REG4: variants seen among roughly 807,000 people sequenced by gnomAD.
REG4 encodes regenerating islet-derived protein 4.
A neutral mutation model predicts 22.3 loss-of-function variants in REG4; 16 were observed. That is an observed-to-expected ratio of 0.72 (90% CI 0.49 to 1.09). The LOEUF is 1.09. Among genes scored for constraint, REG4 ranks in the 50% least tolerant of loss-of-function variants. The probability of loss-of-function intolerance (pLI) is 0.00; values close to 1 mark genes in which losing one functional copy is unlikely to be tolerated. For synonymous variants in REG4, 71 were observed against 69.2 expected (o/e 1.03, Z -0.13); for missense variants, 214 against 193.9 (o/e 1.10, Z -0.61).
At chr1:119,799,916 C>G in intron 3 of REG4, 54 bp from the exon 4 acceptor site, 1 of 1,602,880 alleles carries the variant, frequency 6.2e-7, no homozygotes, top group Non-Finnish European at 8.5e-7. Flanking sequence ...AAGCACAGCC[C>G]TCCCCTCAGA....
intron 2 of REG4, 111 bp downstream of exon 2, chr1:119,808,592 A>G (rs762674816): frequency 1.8e-5 from 13 of 735,562 alleles, no homozygotes; most frequent in Non-Finnish European, 3.0e-5. Flanking sequence ...ATGTTTAAAA[A>G]CCTATTTCCT....
At chr1:119,795,376 G>A (rs1424068034) in intron 5 of REG4, among the ~76,000 whole-genome samples, 1 of 152,158 alleles carries the variant, frequency 6.6e-6, no homozygotes, top group Non-Finnish European at 1.5e-5. Context: ...GCTCTAAGAA[G>A]CTCCTGTTCA....
At chr1:119,802,950 G>T in intron 3 of REG4, 118 bp downstream of exon 3, 1 of 1,567,262 alleles carries the variant, frequency 6.4e-7, no homozygotes, top group East Asian at 2.3e-5. Context: ...ACCAGCCAAA[G>T]GGGCTTCTCT....
intron 3 of REG4, chr1:119,802,395 G>A (rs2101070403): frequency 1.0e-6 from 1 of 988,206 alleles, no homozygotes. Flanking sequence ...TTTGTTTTCT[G>A]TTTTTCATTG....
At chr1:119,810,473 A>T (rs1462517672) in intron 1 of REG4, among the ~76,000 whole-genome samples, 1 of 152,216 alleles carries the variant, frequency 6.6e-6, no homozygotes, top group Non-Finnish European at 1.5e-5. Context: ...GAACACTTTA[A>T]GGCAACATTA....
chr1:119,796,530 G>A (rs1241339730), intron 5 of REG4, among the ~76,000 whole-genome samples: 1 of 152,130 alleles, frequency 6.6e-6, no homozygotes, highest in Non-Finnish European at 1.5e-5. Flanking sequence ...TGTGTGTGTG[G>A]CTGTATATTG....
At position 119,794,582 on chromosome 1, in the gene REG4, G is replaced by A. The variant is rs752907762; in HGVS notation, c.*36C>T. 15 of 1,569,814 alleles carry A rather than the reference G, an allele frequency of 9.6e-6. No homozygotes were observed. The South Asian group carries it at 1.7e-4, about 17-fold the overall frequency. ...AGGCTAGCAGAAAGGAAGAGGACGG[G>A]GCTGTGCAGGAGTTAGCAGAATCTT... On this transcript the variant is annotated 3_prime_UTR_variant, in exon 6 of 6. Coordinates refer to ENST00000256585, the MANE Select transcript of REG4 (RefSeq NM_032044.4).
At chr1:119,802,862 G>T (rs1654158695) in intron 3 of REG4, 1 of 1,546,254 alleles carries the variant, frequency 6.5e-7, no homozygotes, top group Non-Finnish European at 8.8e-7. Flanking sequence ...CCCATCTAGG[G>T]TCTGGCATAC....
Position 119,799,755 on chromosome 1 carries a change from C to A in REG4, c.273G>T (p.Pro91=), listed in dbSNP as rs587773650. 8.7e-6 allele frequency: 14 copies of A among 1,614,100 alleles called. No homozygotes were observed. The highest frequency in any genetic ancestry group is 1.2e-5 in the Non-Finnish European group (14 of 1,180,034). ...EYISGYQRSQ[P]IWIGLHDPQK... ...GTGGGTCGTGCAGGCCAATCCATAT[C>A]GGCTGGCTTCTCTGATAGCCACTTA... The change falls in exon 4 of 6, where the codon CCG becomes CCT. Residue 91 remains proline, a synonymous_variant. Coordinates refer to ENST00000256585, the MANE Select transcript of REG4 (RefSeq NM_032044.4).
rs1389948939 is a variant in REG4, at chr1:119,794,101, G to A, written c.*517C>T. 2 of 533,270 alleles carry A rather than the reference G, an allele frequency of 3.8e-6. No individual in the cohort carries two copies. The highest frequency in any genetic ancestry group is 2.8e-5 in the South Asian group (2 of 71,558). The allele number at this position is 533,270 out of a possible 1,614,324, so 33.0% of individuals were successfully genotyped here. A position where few individuals can be genotyped will look rare whatever the true frequency, so the allele number is the denominator to read the frequency against. On this transcript the variant is annotated 3_prime_UTR_variant, in exon 6 of 6. Transcript: ENST00000256585. The stretch of plus-strand genomic sequence containing the variant: ...ACAGCAACCTCTTATGTACACAATG[G>A]TTTATTAAAGGAATGTATGGCCCAC...
At chr1:119,801,160 T>C (rs1379622135) in intron 3 of REG4, 4 of 152,252 alleles carry the variant, frequency 2.6e-5, no homozygotes, top group African/African-American at 9.6e-5. Context: ...ACACGGCAAA[T>C]GTTTATATAT....
rs759733203 is a variant in REG4 at position 119,808,687 on chromosome 1, C to T, written c.67+16G>A. 22 of 1,599,918 alleles carry T rather than the reference C, an allele frequency of 1.4e-5. No homozygotes were observed. The highest frequency in any genetic ancestry group is 3.3e-4 in the Middle Eastern group (2 of 6,046). ...ACTGGCTGTGGCTCAGTTCCAGCTACGTGATGGATACTCACCACCCAGGAC... is the reference window on the plus strand; with the variant it reads ...ACTGGCTGTGGCTCAGTTCCAGCTATGTGATGGATACTCACCACCCAGGAC... On this transcript the variant is annotated intron_variant, in intron 2 of 5. Coordinates refer to ENST00000256585, the MANE Select transcript of REG4 (RefSeq NM_032044.4).
chr1:119,804,852 C>T (rs959744152), intron 2 of REG4, among the ~76,000 whole-genome samples: 12 of 152,160 alleles, frequency 7.9e-5, no homozygotes, highest in African/African-American at 2.4e-4. Context: ...CTCCTCCTTC[C>T]TCACTTTTCT....
intron 5 of REG4, among the ~76,000 whole-genome samples, chr1:119,795,331 T>C (rs77223842): frequency 0.028 from 4,246 of 152,194 alleles, 99 homozygotes; most frequent in Non-Finnish European, 0.041. Flanking sequence ...GCAGTGAGGA[T>C]CTGAGTGTGG....
At chr1:119,809,286 C>G (rs1260692050) in intron 1 of REG4, 2 of 152,264 alleles carry the variant, frequency 1.3e-5, no homozygotes, top group African/African-American at 4.8e-5. Context: ...TGTCCAATAC[C>G]CACATTTTAC....
intron 5 of REG4, among the ~76,000 whole-genome samples, chr1:119,796,643 T>C (rs587776311): frequency 6.6e-6 from 1 of 152,336 alleles, no homozygotes; most frequent in East Asian, 1.9e-4. Context: ...AAATTCTACC[T>C]TCCACCAGTT....
chr1:119,805,158 T>C (rs1557763143), intron 2 of REG4, among the ~76,000 whole-genome samples: 1 of 152,214 alleles, frequency 6.6e-6, no homozygotes, highest in African/African-American at 2.4e-5. Flanking sequence ...CTGCCTTGAT[T>C]ATTTTCTCAG....
At position 119,798,345 on chromosome 1, in the gene REG4, G is replaced by C. The variant is rs1363220070; in HGVS notation, c.409+152C>G. On this transcript the variant is annotated intron_variant, in intron 5 of 5. Coordinates refer to ENST00000256585, the MANE Select transcript of REG4 (RefSeq NM_032044.4). ...AAAGGACTGAATGTTGGTAACCAAT[G>C]TCTGTGGCAAGGCCACTGCCTTGCT... 4.7e-6 allele frequency: 3 copies of C among 642,566 alleles called. No individual in the cohort carries two copies. The African/African-American group carries it at 5.3e-5, about 11-fold the overall frequency. 39.8% of individuals were successfully genotyped at this position (642,566 alleles called of 1,614,324 possible). A position where few individuals can be genotyped will look rare whatever the true frequency, so the allele number is the denominator to read the frequency against.
intron 5 of REG4, among the ~76,000 whole-genome samples, chr1:119,795,935 T>C (rs1169463119): frequency 6.6e-6 from 1 of 152,184 alleles, no homozygotes. Flanking sequence ...TAAGCTAGAA[T>C]AGCAGCTTCA....
Sources: gnomAD v4.1 joint callset for allele counts (sites outside exome capture counted in the v4.1 genomes callset) on GRCh38, gnomAD v4.1.1 for gene constraint, MANE v1.5 for transcripts, NCBI Gene and HGNC (gene_info 2026-07-23, HGNC 2026-07-21) for gene names.